KIAA0232: variants seen among roughly 807,000 people sequenced by gnomAD.
KIAA0232 encodes KIAA0232, also known as uncharacterized protein KIAA0232.
In KIAA0232, 27 loss-of-function variants were observed where a neutral mutation model predicts 122.0. That is an observed-to-expected ratio of 0.22 (90% CI 0.16 to 0.31). The LOEUF is 0.31. Ranked by LOEUF, KIAA0232 falls within the 10% of genes least tolerant of loss-of-function variation. The pLI, the probability that KIAA0232 is intolerant of heterozygous loss-of-function variation, is 1.00. For synonymous variants in KIAA0232, 613 were observed against 587.6 expected (o/e 1.04, Z -0.63); for missense variants, 1,551 against 1,634.2 (o/e 0.95, Z 0.88).
intron 8 of KIAA0232, among the ~76,000 whole-genome samples, chr4:6,872,998 C>A (rs1017211229): frequency 6.6e-6 from 1 of 152,200 alleles, no homozygotes; most frequent in African/African-American, 2.4e-5. Context: ...ATAAGGAGAG[C>A]GTAGAGCTGA....
At position 6,862,483 on chromosome 4, in the gene KIAA0232, G is replaced by C. The variant is rs1462849161; in HGVS notation, c.2101G>C (p.Glu701Gln). 3 of 1,613,944 alleles carry C rather than the reference G, an allele frequency of 1.9e-6. No homozygotes were observed. Among genetic ancestry groups the C allele is most frequent in the Non-Finnish European group, 2.5e-6 (3 of 1,180,002 alleles). Reference sequence around the variant, plus strand: ...CAAAAATAGTGCCTTTGAAGAAAATGAACACTGTTCTAATCTTTCAACAAG... The same window carrying C: ...CAAAAATAGTGCCTTTGAAGAAAATCAACACTGTTCTAATCTTTCAACAAG... ...WTKNSAFEENEHCSNLSTRTC... is the reference protein window; with the variant it reads ...WTKNSAFEENQHCSNLSTRTC... The change falls in exon 7 of 10, where the codon GAA becomes CAA. Residue 701 changes from glutamate to glutamine, a missense_variant. Glu to Gln is a conservative substitution (Grantham distance 29, BLOSUM62 2). Coordinates refer to ENST00000307659, the MANE Select transcript of KIAA0232 (RefSeq NM_014743.3).
At chr4:6,800,060 TTTTTTTTTTTTTTTTG>T in intron 1 of KIAA0232, among the ~76,000 whole-genome samples, 1 of 62,912 alleles carries the variant, frequency 1.6e-5, no homozygotes, top group Admixed American at 2.1e-4. Context: ...TTTTTTTTTT[TTTTTTTTTTTTTTTTG>T]AGATGGAGTC....
At chr4:6,792,691 T>TG (rs1018594395) in intron 1 of KIAA0232, among the ~76,000 whole-genome samples, 25 of 121,958 alleles carry the variant, frequency 2.0e-4, no homozygotes, top group African/African-American at 6.9e-4. Flanking sequence ...GTTTTTTTTT[T>TG]TTTGTTTTTT....
In KIAA0232 at chr4:6,861,801, G is replaced by A. The variant is rs1464274033; in HGVS notation, c.1419G>A (p.Met473Ile). 3 of 1,614,080 alleles carry A rather than the reference G, an allele frequency of 1.9e-6. No individual in the cohort carries two copies. Among genetic ancestry groups the A allele is most frequent in the Non-Finnish European group, 1.7e-6 (2 of 1,179,980 alleles). ...TCATTGATGGTCATTTTGTAGAAAT[G>A]CCTGCAGTTATAAATGAGGATATTG... ...GTFIDGHFVEMPAVINEDIDL... is the reference protein window; with the variant it reads ...GTFIDGHFVEIPAVINEDIDL... Residue 473 changes from methionine to isoleucine, a missense_variant, in exon 7 of 10, where the codon ATG becomes ATA. Around this residue, in one of 5 missense-constraint regions of KIAA0232, gnomAD observed 1,108 missense variants for 1,154.8 expected, o/e 0.96. Coordinates refer to ENST00000307659, the MANE Select transcript of KIAA0232 (RefSeq NM_014743.3).
chr4:6,808,102 T>C (rs1717719510), intron 2 of KIAA0232, among the ~76,000 whole-genome samples: 1 of 152,062 alleles, frequency 6.6e-6, no homozygotes, highest in East Asian at 1.9e-4. Flanking sequence ...ACAAGAATTA[T>C]TTATAAATGT....
At chr4:6,790,840 A>G (rs1716859246) in intron 1 of KIAA0232, among the ~76,000 whole-genome samples, 1 of 150,854 alleles carries the variant, frequency 6.6e-6, no homozygotes, top group Non-Finnish European at 1.5e-5. Context: ...TTACCATCAT[A>G]GATAATTGAG....
At chr4:6,866,746 A>G (rs143354093) in intron 7 of KIAA0232, among the ~76,000 whole-genome samples, 7 of 152,336 alleles carry the variant, frequency 4.6e-5, no homozygotes, top group African/African-American at 1.7e-4. Context: ...GTTTAGTTCA[A>G]TTCAGCAAAC....
chr4:6,884,146 T>TA lies in KIAA0232; in HGVS notation c.*3187dup, dbSNP rs922715620. Reference sequence around the variant, plus strand: ...ATGGAAAATGGAATTAAAAGAAAAATAAAAAAATATAAACTTTATTTCTCA... The same window carrying TA: ...ATGGAAAATGGAATTAAAAGAAAAATAAAAAAAATATAAACTTTATTTCTCA... On this transcript the variant is annotated 3_prime_UTR_variant, in exon 10 of 10. Transcript: ENST00000307659. 1 of 151,830 alleles carries TA rather than the reference T, an allele frequency of 6.6e-6. No individual in the cohort carries two copies. The highest frequency in any genetic ancestry group is 1.5e-5 in the Non-Finnish European group (1 of 67,956). 9.4% of individuals were successfully genotyped at this position (151,830 alleles called of 1,614,324 possible). A position where few individuals can be genotyped will look rare whatever the true frequency, so the allele number is the denominator to read the frequency against.
At chr4:6,811,183 A>G (rs1247462348) in intron 2 of KIAA0232, among the ~76,000 whole-genome samples, 2 of 152,196 alleles carry the variant, frequency 1.3e-5, no homozygotes, top group East Asian at 3.8e-4. Flanking sequence ...CACTATTCAC[A>G]ATAACAAAGA....
intron 3 of KIAA0232, among the ~76,000 whole-genome samples, chr4:6,836,915 C>G (rs903619628): frequency 6.6e-6 from 1 of 152,210 alleles, no homozygotes; most frequent in Admixed American, 6.5e-5. Flanking sequence ...TTTCTTAGTA[C>G]AGAACAAAAT....
chr4:6,795,315 G>A (rs1035930315), intron 1 of KIAA0232, among the ~76,000 whole-genome samples: 4 of 152,044 alleles, frequency 2.6e-5, no homozygotes, highest in African/African-American at 7.2e-5. Context: ...CTTGTGATCC[G>A]CCTGCTTCAG....
At chr4:6,833,092 G>A (rs1237561484) in intron 3 of KIAA0232, among the ~76,000 whole-genome samples, 4 of 152,096 alleles carry the variant, frequency 2.6e-5, no homozygotes, top group African/African-American at 9.7e-5. Flanking sequence ...TCAGCATTAC[G>A]CTTCTTGAAA....
At position 6,883,550 on chromosome 4, in the gene KIAA0232, G is replaced by C. The variant is rs993500620; in HGVS notation, c.*2584G>C. ...TGCAGCTTTGCTAGGGAAGAAAGTGGTGTGGCCTGCTGAGAAATCAGCGGC... is the reference window on the plus strand; with the variant it reads ...TGCAGCTTTGCTAGGGAAGAAAGTGCTGTGGCCTGCTGAGAAATCAGCGGC... On this transcript the variant is annotated 3_prime_UTR_variant, in exon 10 of 10. Coordinates refer to ENST00000307659, the MANE Select transcript of KIAA0232 (RefSeq NM_014743.3). The C allele has an allele frequency of 1.3e-5, 2 of 152,164 alleles. No individual in the cohort carries two copies. The highest frequency in any genetic ancestry group is 2.9e-5 in the Non-Finnish European group (2 of 68,028). The allele number at this position is 152,164 out of a possible 1,614,324, so 9.4% of individuals were successfully genotyped here. A position where few individuals can be genotyped will look rare whatever the true frequency, so the allele number is the denominator to read the frequency against.
At chr4:6,838,479 A>G (rs1304917903) in intron 3 of KIAA0232, among the ~76,000 whole-genome samples, 4 of 152,134 alleles carry the variant, frequency 2.6e-5, no homozygotes, top group Admixed American at 6.6e-5. Flanking sequence ...ATGAGCCACC[A>G]TATGCCCCAC....
At chr4:6,798,842 G>A (rs1254556078) in intron 1 of KIAA0232, among the ~76,000 whole-genome samples, 3 of 152,124 alleles carry the variant, frequency 2.0e-5, no homozygotes, top group Admixed American at 6.5e-5. Flanking sequence ...GTGAGCCACC[G>A]TGCCCAGCTG....
intron 4 of KIAA0232, among the ~76,000 whole-genome samples, chr4:6,849,432 AT>A (rs1720149243): frequency 6.6e-6 from 1 of 152,210 alleles, no homozygotes; most frequent in African/African-American, 2.4e-5. Flanking sequence ...CCTCGCCAAC[AT>A]GGCAAAAACC....
chr4:6,849,361 C>CCACA (rs1720144631), intron 4 of KIAA0232, among the ~76,000 whole-genome samples: 2 of 152,216 alleles, frequency 1.3e-5, no homozygotes, highest in African/African-American at 4.8e-5. Context: ...GTGGCTCATG[C>CCACA]CTGTAATCCC....
chr4:6,856,713 A>G (rs999687584), intron 4 of KIAA0232, among the ~76,000 whole-genome samples: 4 of 150,016 alleles, frequency 2.7e-5, no homozygotes, highest in Non-Finnish European at 3.0e-5. Context: ...TGTTTTCTTC[A>G]GGGTGTGAGC....
rs762739791 is a variant in KIAA0232 at position 6,862,272 on chromosome 4, C to T, written c.1890C>T (p.Gly630=). 2.5e-6 allele frequency: 4 copies of T among 1,614,182 alleles called. No homozygotes were observed. In the South Asian group the frequency reaches 4.4e-5, roughly 18 times the overall value. ...STVLNSHLLA[G]NQELFSDINE... is the part of the protein sequence containing the mutation. ...TGCTCAATTCACACCTGCTTGCTGG[C>T]AATCAAGAGCTCTTTTCAGATATTA... Residue 630 remains glycine, a synonymous_variant, in exon 7 of 10, where the codon GGC becomes GGT. Transcript: ENST00000307659.
Sources: allele counts gnomAD v4.1 joint callset (sites outside exome capture counted in the v4.1 genomes callset), GRCh38; gene constraint gnomAD v4.1.1; regional missense constraint gnomAD v4.1.1; transcripts MANE v1.5; gene names NCBI Gene and HGNC (gene_info 2026-07-23, HGNC 2026-07-21).